Variants in ARHGEF26 observed in about 807,000 individuals in gnomAD.
ARHGEF26 encodes the protein Rho guanine nucleotide exchange factor 26.
A neutral mutation model predicts 89.4 loss-of-function variants in ARHGEF26; 59 were observed. The ratio of observed to expected loss-of-function variants is 0.66; its 90% CI spans 0.54 to 0.82. The LOEUF (loss-of-function observed/expected upper bound fraction) is 0.82, where lower values mean the gene tolerates loss of function less well. ARHGEF26 is among the 40% of genes least tolerant of loss of function. The pLI is 0.00. For missense variants in ARHGEF26, 1,234 were observed against 1,085.6 expected (o/e 1.14, Z -1.92); for synonymous variants, 500 against 428.4 (o/e 1.17, Z -2.06).
Position 154,161,097 on chromosome 3 carries a change from G to GGGT in ARHGEF26, c.1487+8166_1487+8167insGTG, listed in dbSNP as rs1374302431. Among the ~76,000 whole-genome samples the GGGT allele has an allele frequency of 0.024, 512 of 21,114 alleles. 1 individual carries two copies. In the East Asian group the frequency reaches 0.25, roughly 10 times the overall value. The allele number at this position is 21,114 out of a possible 152,430, so 13.9% of individuals were successfully genotyped here. A position where few individuals can be genotyped will look rare whatever the true frequency, so the allele number is the denominator to read the frequency against. On this transcript the variant is annotated intron_variant, in intron 6 of 14. Transcript: ENST00000465093. ...TCTCCTTTTGGAATGCTGGTAGCCA[G>GGGT]GTTTGTGTGTGTGTGTGTGTGTGTG...
chr3:154,194,984 A>G (rs909029196), intron 9 of ARHGEF26, among the ~76,000 whole-genome samples: 1 of 152,198 alleles, frequency 6.6e-6, no homozygotes, highest in Admixed American at 6.5e-5. Context: ...TTTCTCGTTC[A>G]GTAAATGTTT....
intron 6 of ARHGEF26, among the ~76,000 whole-genome samples, chr3:154,162,471 C>T (rs1037655861): frequency 4.6e-5 from 7 of 152,038 alleles, no homozygotes; most frequent in African/African-American, 1.7e-4. Flanking sequence ...TGATTTAATC[C>T]TTAATAGCAT....
At chr3:154,184,185 G>A (rs1162091691) in intron 6 of ARHGEF26, among the ~76,000 whole-genome samples, 1 of 152,060 alleles carries the variant, frequency 6.6e-6, no homozygotes, top group Admixed American at 6.5e-5. Context: ...TGTTAGCCAG[G>A]ATGGTCTCGA....
chr3:154,142,509 T>G (rs1719444413), intron 4 of ARHGEF26, among the ~76,000 whole-genome samples: 1 of 152,220 alleles, frequency 6.6e-6, no homozygotes, highest in Non-Finnish European at 1.5e-5. Context: ...ATCAGTTTAC[T>G]CTATTACCCA....
intron 10 of ARHGEF26, 129 bp from the exon 11 acceptor site, chr3:154,225,727 T>G: frequency 3.2e-6 from 3 of 923,746 alleles, no homozygotes; most frequent in Non-Finnish European, 4.6e-6. Context: ...CAGTTTTATA[T>G]GCCTATAAAA....
At chr3:154,163,609 G>A (rs1003377880) in intron 6 of ARHGEF26, among the ~76,000 whole-genome samples, 2 of 152,072 alleles carry the variant, frequency 1.3e-5, no homozygotes, top group Non-Finnish European at 2.9e-5. Context: ...CTAGTCAGAC[G>A]GAGTGATGAG....
At chr3:154,254,910 C>A in intron 14 of ARHGEF26, 86 bp downstream of exon 14, 1 of 1,074,108 alleles carries the variant, frequency 9.3e-7, no homozygotes, top group Non-Finnish European at 1.4e-6. Context: ...TCATCATTGC[C>A]CATATTCCAA....
rs140750538 is a variant in ARHGEF26, at chr3:154,204,316, A to G, written c.1845+9598A>G. On this transcript the variant is annotated intron_variant, in intron 9 of 14. Coordinates refer to ENST00000465093, the MANE Select transcript of ARHGEF26 (RefSeq NM_015595.4). Reference sequence around the variant, plus strand: ...TTGGGTTTGGTTGAGTTTCATTGTTAGTTTATTTTTCTTTTCCTTTTTTTT... The same window carrying G: ...TTGGGTTTGGTTGAGTTTCATTGTTGGTTTATTTTTCTTTTCCTTTTTTTT... Among the ~76,000 whole-genome samples, 570 of 130,480 alleles carry G rather than the reference A, an allele frequency of 4.4e-3. 2 individuals carry two copies. Among genetic ancestry groups the G allele is most frequent in the South Asian group, 0.027 (107 of 4,020 alleles). 85.6% of individuals were successfully genotyped at this position (130,480 alleles called of 152,430 possible). A position where few individuals can be genotyped will look rare whatever the true frequency, so the allele number is the denominator to read the frequency against.
At chr3:154,173,616 G>T (rs925156648) in intron 6 of ARHGEF26, among the ~76,000 whole-genome samples, 2 of 152,148 alleles carry the variant, frequency 1.3e-5, no homozygotes, top group Non-Finnish European at 2.9e-5. Context: ...ATGAAAGCTG[G>T]CATTCTCTTC....
At chr3:154,217,685 A>G (rs146004344) in intron 9 of ARHGEF26, among the ~76,000 whole-genome samples, 184 bp from the exon 10 acceptor site, 1,680 of 152,216 alleles carry the variant, frequency 0.011, 24 homozygotes, top group African/African-American at 0.038. Flanking sequence ...TTCTGTCTTC[A>G]CATCCTAATC....
At chr3:154,228,419 G>A (rs1185385892) in intron 11 of ARHGEF26, among the ~76,000 whole-genome samples, 1 of 150,854 alleles carries the variant, frequency 6.6e-6, no homozygotes, top group East Asian at 1.9e-4. Flanking sequence ...TTAGAGGCGT[G>A]AGCCACCGCA....
chr3:154,226,502 G>T lies in ARHGEF26; in HGVS notation c.2090+492G>T, dbSNP rs144309562. Among the ~76,000 whole-genome samples the T allele has an allele frequency of 6.8e-4, 103 of 152,302 alleles. 1 individual carries two copies. The East Asian group carries it at 0.013, about 19-fold the overall frequency. ...GAAGGTGTTAGCCATACTCCCTTCT[G>T]AAGGGAATGAAGTAAATCATTTGAT... On this transcript the variant is annotated intron_variant, in intron 11 of 14. Coordinates refer to ENST00000465093, the MANE Select transcript of ARHGEF26 (RefSeq NM_015595.4).
intron 4 of ARHGEF26, among the ~76,000 whole-genome samples, chr3:154,147,562 AT>A (rs1719775452): frequency 1.3e-5 from 2 of 152,222 alleles, no homozygotes; most frequent in African/African-American, 4.8e-5. Context: ...AATGGGATAA[AT>A]TTGACAGTAC....
intron 4 of ARHGEF26, among the ~76,000 whole-genome samples, chr3:154,134,171 T>C (rs1432121337): frequency 1.3e-5 from 2 of 152,198 alleles, no homozygotes; most frequent in Non-Finnish European, 2.9e-5. Context: ...TTCTTACTAT[T>C]TGAATACCCT....
chr3:154,189,217 C>T (rs1713786683), intron 7 of ARHGEF26, among the ~76,000 whole-genome samples: 1 of 152,068 alleles, frequency 6.6e-6, no homozygotes, highest in Non-Finnish European at 1.5e-5. Flanking sequence ...TCACTAGGTA[C>T]TGCTATACAT....
intron 12 of ARHGEF26, among the ~76,000 whole-genome samples, chr3:154,248,836 T>C (rs1717946348): frequency 6.6e-6 from 1 of 152,228 alleles, no homozygotes; most frequent in South Asian, 2.1e-4. Flanking sequence ...CAAATTGAAC[T>C]GATATCTAGT....
intron 10 of ARHGEF26, among the ~76,000 whole-genome samples, chr3:154,219,060 A>T (rs545672226): frequency 2.7e-4 from 41 of 152,338 alleles, no homozygotes; most frequent in African/African-American, 9.9e-4. Context: ...ACATGCATGC[A>T]CGCACACTTT....
At chr3:154,170,560 C>T (rs1229175519) in intron 6 of ARHGEF26, among the ~76,000 whole-genome samples, 1 of 152,164 alleles carries the variant, frequency 6.6e-6, no homozygotes, top group Non-Finnish European at 1.5e-5. Context: ...GGATTCCATT[C>T]CCTTCTGTAC....
At chr3:154,211,889 TTTA>T (rs1715389928) in intron 9 of ARHGEF26, among the ~76,000 whole-genome samples, 2 of 116,360 alleles carry the variant, frequency 1.7e-5, no homozygotes, top group Middle Eastern at 8.8e-3. Flanking sequence ...GTGTGTGTAT[TTTA>T]TTGATATGTA....
Sources: allele counts gnomAD v4.1 joint callset (sites outside exome capture counted in the v4.1 genomes callset), GRCh38; gene constraint gnomAD v4.1.1; transcripts MANE v1.5; gene names NCBI Gene and HGNC (gene_info 2026-07-23, HGNC 2026-07-21).